The following COBLL1 variants were observed in gnomAD, a reference collection of about 807,000 sequenced individuals.
COBLL1 encodes cordon-bleu WH2 repeat protein like 1.
COBLL1 carries 50 observed loss-of-function variants against 94.8 expected under a neutral mutation model. The observed-to-expected ratio is 0.53, with a 90% CI of 0.42 to 0.67. The LOEUF (loss-of-function observed/expected upper bound fraction) is 0.67. Among genes scored for constraint, COBLL1 ranks in the 30% least tolerant of loss-of-function variants. COBLL1 has a pLI of 0.00. For missense variants in COBLL1, 1,362 were observed against 1,348.7 expected, an observed-to-expected ratio of 1.01 and a Z score of -0.15; for synonymous variants, 448 against 473.8, an observed-to-expected ratio of 0.95 and a Z score of 0.71.
intron 2 of COBLL1, among the ~76,000 whole-genome samples, chr2:164,771,017 A>G (rs959421030): frequency 6.6e-6 from 1 of 152,052 alleles, no homozygotes; most frequent in African/African-American, 2.4e-5. Flanking sequence ...TGTTCTATAT[A>G]TTGTCCTCAA....
At chr2:164,664,307 G>T (rs1691118271) in intron 2 of COBLL1, among the ~76,000 whole-genome samples, 1 of 152,204 alleles carries the variant, frequency 6.6e-6, no homozygotes, top group Non-Finnish European at 1.5e-5. Context: ...CATTTGGAGA[G>T]CCATAATTTT....
chr2:164,841,165 G>T lies in COBLL1; in HGVS notation c.32C>A (p.Ala11Asp). MDGRTPRPQD[A>D]PARRKPKAKA... Reference sequence around the variant, plus strand: ...GGCGCTCTGGGCTTACCTGGCTGGGGCGTCCTGCGGGCGCGGGGTTCGGCC... The same window carrying T: ...GGCGCTCTGGGCTTACCTGGCTGGGTCGTCCTGCGGGCGCGGGGTTCGGCC... The change falls in exon 2 of 14, where the codon GCC becomes GAC. Residue 11 changes from alanine to aspartate, a missense_variant. Transcript: ENST00000652658. This position sits in a 1 kb window ranked among gnomAD's most constrained non-coding sequence, Gnocchi z 5.5. 1 of 1,231,500 alleles carries T rather than the reference G, an allele frequency of 8.1e-7. No individual in the cohort carries two copies. Among genetic ancestry groups the T allele is most frequent in the Non-Finnish European group, 1.0e-6 (1 of 988,142 alleles). 76.3% of individuals were successfully genotyped at this position (1,231,500 alleles called of 1,614,324 possible).
chr2:164,679,773 G>A (rs1004164533), downstream of COBLL1, among the ~76,000 whole-genome samples: 3 of 146,704 alleles, frequency 2.0e-5, no homozygotes, highest in African/African-American at 7.6e-5. Flanking sequence ...CATACACTGG[G>A]CCTCTCGGGG....
chr2:164,838,784 C>A (rs1574681824), intron 2 of COBLL1, among the ~76,000 whole-genome samples: 1 of 152,302 alleles, frequency 6.6e-6, no homozygotes, highest in Non-Finnish European at 1.5e-5. Flanking sequence ...AACTAGGCTT[C>A]ATTGTCTATT....
rs570335030 is a variant in COBLL1 at position 164,803,679 on chromosome 2, T to A, written c.41+37477A>T. ...TTTAGATAAGTAGGCTTATGATATC[T>A]TTTGTCAACTAACATTGTACAAAAT... On this transcript the variant is annotated intron_variant, in intron 2 of 13. Transcript: ENST00000652658. Among the ~76,000 whole-genome samples, 4 of 152,336 alleles carry A rather than the reference T, an allele frequency of 2.6e-5. No individual in the cohort carries two copies. The South Asian group carries it at 8.3e-4, about 32-fold the overall frequency.
At chr2:164,732,648 C>A (rs186818439) in intron 3 of COBLL1, among the ~76,000 whole-genome samples, 5 of 152,314 alleles carry the variant, frequency 3.3e-5, no homozygotes, top group East Asian at 1.9e-4. Flanking sequence ...TTCTTTCTCT[C>A]TATATATAAA....
intron 5 of COBLL1, among the ~76,000 whole-genome samples, chr2:164,725,470 T>C (rs1473210875): frequency 6.6e-6 from 1 of 152,106 alleles, no homozygotes; most frequent in African/African-American, 2.4e-5. Flanking sequence ...CAGTCTGGAG[T>C]GCACTGGCAG....
chr2:164,682,139 C>T lies in COBLL1; in HGVS notation c.*3807G>A, dbSNP rs772801711. 6.6e-6 allele frequency: 1 copy of T among 152,112 alleles called. No homozygotes were observed. The highest frequency in any genetic ancestry group is 1.5e-5 in the Non-Finnish European group (1 of 68,012). 9.4% of individuals were successfully genotyped at this position (152,112 alleles called of 1,614,324 possible). A position where few individuals can be genotyped will look rare whatever the true frequency, so the allele number is the denominator to read the frequency against. On this transcript the variant is annotated 3_prime_UTR_variant, in exon 14 of 14. Coordinates refer to ENST00000652658, the MANE Select transcript of COBLL1 (RefSeq NM_001365672.2). ...TCTGAGACTCCTCTGCTTCTGTGAC[C>T]TTTGTAAAGTAGCAATCTTTGCACA...
chr2:164,809,447 C>CA (rs1684351954), intron 2 of COBLL1, among the ~76,000 whole-genome samples: 1 of 151,880 alleles, frequency 6.6e-6, no homozygotes, highest in South Asian at 2.1e-4. Context: ...GATATTAACA[C>CA]AAAAAATATT....
intron 2 of COBLL1, among the ~76,000 whole-genome samples, chr2:164,825,137 C>A (rs943608969): frequency 3.3e-5 from 5 of 152,160 alleles, no homozygotes; most frequent in Non-Finnish European, 7.4e-5. Context: ...TAGCACAGTA[C>A]CTGGTGAATC....
At chr2:164,773,911 C>T (rs1688335758) in intron 2 of COBLL1, 1 of 174,690 alleles carries the variant, frequency 5.7e-6, no homozygotes, top group South Asian at 1.9e-4. Flanking sequence ...ATCATGTTAA[C>T]ATTTTCACAG....
chr2:164,802,803 G>A (rs890498594), intron 2 of COBLL1, among the ~76,000 whole-genome samples: 20 of 152,040 alleles, frequency 1.3e-4, no homozygotes, highest in African/African-American at 4.8e-4. Flanking sequence ...TACAAGTTGG[G>A]AATAACATTT....
chr2:164,818,773 T>C (rs1685013086), intron 2 of COBLL1, among the ~76,000 whole-genome samples: 1 of 140,180 alleles, frequency 7.1e-6, no homozygotes, highest in African/African-American at 2.7e-5. Context: ...TGTAAACATA[T>C]ATATATATAC....
chr2:164,733,439 T>C (rs910198373), intron 3 of COBLL1, among the ~76,000 whole-genome samples: 5 of 152,204 alleles, frequency 3.3e-5, no homozygotes, highest in Admixed American at 6.5e-5. Context: ...AATGCCTCTT[T>C]GAGAGGCAAC....
chr2:164,823,895 G>C (rs1215643278), intron 2 of COBLL1, among the ~76,000 whole-genome samples: 1 of 152,032 alleles, frequency 6.6e-6, no homozygotes, highest in Non-Finnish European at 1.5e-5. Flanking sequence ...TGATTTCATT[G>C]GAAACTGCAG....
At chr2:164,702,294 T>G (rs1218710008) in intron 9 of COBLL1, among the ~76,000 whole-genome samples, 1 of 152,060 alleles carries the variant, frequency 6.6e-6, no homozygotes, top group Non-Finnish European at 1.5e-5. Context: ...CTGGGCGTGG[T>G]GGCTCACGCC....
In COBLL1 at chr2:164,682,264, G is replaced by A. The variant is rs1214654702; in HGVS notation, c.*3682C>T. On this transcript the variant is annotated 3_prime_UTR_variant, in exon 14 of 14. Coordinates refer to ENST00000652658, the MANE Select transcript of COBLL1 (RefSeq NM_001365672.2). ...CATCTAAAACCTCAGAAATCACTTT[G>A]ACCCTGGAAATCTTCACTATGACCT... 2 of 152,074 alleles carry A rather than the reference G, an allele frequency of 1.3e-5. No individual in the cohort carries two copies. Among genetic ancestry groups the A allele is most frequent in the South Asian group, 4.1e-4 (2 of 4,824 alleles). The allele number at this position is 152,074 out of a possible 1,614,324, so 9.4% of individuals were successfully genotyped here. A position where few individuals can be genotyped will look rare whatever the true frequency, so the allele number is the denominator to read the frequency against.
chr2:164,736,367 C>G (rs1686309908), intron 3 of COBLL1, among the ~76,000 whole-genome samples: 1 of 151,966 alleles, frequency 6.6e-6, no homozygotes, highest in Admixed American at 6.6e-5. Flanking sequence ...GACCCATTCT[C>G]AAAATTGAGA....
At chr2:164,741,288 A>C (rs555955452) in intron 3 of COBLL1, among the ~76,000 whole-genome samples, 6 of 151,828 alleles carry the variant, frequency 4.0e-5, no homozygotes, top group Non-Finnish European at 7.4e-5. Flanking sequence ...AACAAACAAA[A>C]AAAAGATACA....
Sources: gnomAD v4.1 joint callset for allele counts (sites outside exome capture counted in the v4.1 genomes callset) on GRCh38, gnomAD v4.1.1 for gene constraint, Gnocchi (gnomAD v3.1) non-coding constraint, MANE v1.5 for transcripts, NCBI Gene and HGNC (gene_info 2026-07-23, HGNC 2026-07-21) for gene names.